Variants in ITFG1 observed in about 807,000 individuals in gnomAD.
ITFG1 encodes T-cell immunomodulatory protein.
In ITFG1, 34 loss-of-function variants were observed where a neutral mutation model predicts 81.8. The observed-to-expected ratio is 0.42, with a 90% CI of 0.32 to 0.55. The LOEUF is 0.55. Among genes scored for constraint, ITFG1 ranks in the 20% least tolerant of loss-of-function variants. The probability of loss-of-function intolerance (pLI) is 0.17; values close to 1 mark genes in which losing one functional copy is unlikely to be tolerated. For missense variants in ITFG1, 672 were observed against 755.4 expected, an observed-to-expected ratio of 0.89 and a Z score of 1.29; for synonymous variants, 285 against 270.6, an observed-to-expected ratio of 1.05 and a Z score of -0.52.
intron 10 of ITFG1, among the ~76,000 whole-genome samples, chr16:47,290,076 C>T (rs1409272703): frequency 6.6e-6 from 1 of 152,124 alleles, no homozygotes. Flanking sequence ...CTTCATTGAC[C>T]CATTGGTCAT....
intron 8 of ITFG1, among the ~76,000 whole-genome samples, chr16:47,334,728 T>C (rs1239507054): frequency 1.3e-5 from 2 of 152,204 alleles, no homozygotes; most frequent in Non-Finnish European, 2.9e-5. Context: ...CAAATAATCA[T>C]CAGTCAACAT....
chr16:47,389,918 C>G (rs539964205), intron 6 of ITFG1, among the ~76,000 whole-genome samples: 1 of 152,318 alleles, frequency 6.6e-6, no homozygotes, highest in African/African-American at 2.4e-5. Flanking sequence ...CAGATGTAAA[C>G]TCAACTGTTG....
At chr16:47,260,450 G>A (rs543065685) in intron 11 of ITFG1, 95 bp downstream of exon 11, 5 of 1,330,806 alleles carry the variant, frequency 3.8e-6, no homozygotes, top group African/African-American at 2.9e-5. Context: ...TTTTTGTTGT[G>A]TTGTCCACAT....
At chr16:47,311,020 AT>A (rs1179714070) in intron 10 of ITFG1, among the ~76,000 whole-genome samples, 1 of 151,714 alleles carries the variant, frequency 6.6e-6, no homozygotes, top group Non-Finnish European at 1.5e-5. Context: ...CTAAATGTTC[AT>A]TTTTGTTTTA....
intron 13 of ITFG1, among the ~76,000 whole-genome samples, chr16:47,226,288 C>A (rs1965756112): frequency 6.6e-6 from 1 of 152,228 alleles, no homozygotes; most frequent in South Asian, 2.1e-4. Flanking sequence ...GGGCTCACTG[C>A]AACCTCCGCC....
At chr16:47,229,965 A>C (rs992436960) in intron 13 of ITFG1, among the ~76,000 whole-genome samples, 5 of 152,202 alleles carry the variant, frequency 3.3e-5, no homozygotes, top group Non-Finnish European at 7.3e-5. Context: ...TATTGTTATA[A>C]CTGTTCTATT....
At chr16:47,274,903 T>C (rs1966381709) in intron 10 of ITFG1, among the ~76,000 whole-genome samples, 1 of 152,172 alleles carries the variant, frequency 6.6e-6, no homozygotes, top group South Asian at 2.1e-4. Context: ...AGAAAGTCCA[T>C]GATTGTTCCT....
chr16:47,297,690 T>C (rs1967005132), intron 10 of ITFG1, among the ~76,000 whole-genome samples: 1 of 151,952 alleles, frequency 6.6e-6, no homozygotes, highest in Non-Finnish European at 1.5e-5. Flanking sequence ...CCATTCTGGC[T>C]TGTTAAGTCT....
Position 47,258,708 on chromosome 16 carries a change from T to C in ITFG1, c.1254A>G (p.Gly418=). 6.4e-7 allele frequency: 1 copy of C among 1,554,902 alleles called. No individual in the cohort carries two copies. Among genetic ancestry groups the C allele is most frequent in the African/African-American group, 1.4e-5 (1 of 72,530 alleles). Residue 418 remains glycine (G), a synonymous_variant, in exon 12 of 18, where the codon GGA becomes GGG. Coordinates refer to ENST00000320640, the MANE Select transcript of ITFG1 (RefSeq NM_030790.5). ...GILDIVVLSK[G]YTKNDFAIHT... Reference sequence around the variant, plus strand: ...GAATGGCAAAATCATTCTTTGTATATCCTTTACTTAGCACTACAATGTCCA... The same window carrying C: ...GAATGGCAAAATCATTCTTTGTATACCCTTTACTTAGCACTACAATGTCCA...
intron 6 of ITFG1, among the ~76,000 whole-genome samples, chr16:47,384,462 G>C (rs966152580): frequency 2.0e-5 from 3 of 152,064 alleles, no homozygotes; most frequent in African/African-American, 7.2e-5. Flanking sequence ...ACACCAGAGA[G>C]GCATTTTCTG....
chr16:47,181,397 A>T lies in ITFG1; in HGVS notation c.1454-18733T>A, dbSNP rs970416717. Among the ~76,000 whole-genome samples, 5 of 121,260 alleles carry T rather than the reference A, an allele frequency of 4.1e-5. 1 individual carries two copies. Among genetic ancestry groups the T allele is most frequent in the African/African-American group, 1.7e-4 (5 of 29,864 alleles). The allele number at this position is 121,260 out of a possible 152,430, so 79.6% of individuals were successfully genotyped here. A position where few individuals can be genotyped will look rare whatever the true frequency, so the allele number is the denominator to read the frequency against. On this transcript the variant is annotated intron_variant, in intron 14 of 17. Coordinates refer to ENST00000320640, the MANE Select transcript of ITFG1 (RefSeq NM_030790.5). Reference sequence around the variant, plus strand: ...CGGCCAGCCACCCCGTCCGGCAGGGAGATGGGGGGGTCAGCCCCCCCGCCC... The same window carrying T: ...CGGCCAGCCACCCCGTCCGGCAGGGTGATGGGGGGGTCAGCCCCCCCGCCC...
At chr16:47,332,871 T>C (rs896295278) in intron 8 of ITFG1, among the ~76,000 whole-genome samples, 4 of 152,218 alleles carry the variant, frequency 2.6e-5, no homozygotes, top group African/African-American at 9.6e-5. Flanking sequence ...AACTTCTGCA[T>C]TAAAGCAGCA....
intron 9 of ITFG1, chr16:47,311,952 C>T (rs1159194688): frequency 6.6e-6 from 1 of 152,208 alleles, no homozygotes; most frequent in African/African-American, 2.4e-5. Context: ...CCAAACAACA[C>T]CAGGCCTGAC....
chr16:47,407,906 G>T (rs1432972841), intron 6 of ITFG1, among the ~76,000 whole-genome samples: 1 of 152,202 alleles, frequency 6.6e-6, no homozygotes, highest in South Asian at 2.1e-4. Context: ...AGTAGATGGT[G>T]CTTATTAAAG....
intron 10 of ITFG1, among the ~76,000 whole-genome samples, chr16:47,269,748 A>G (rs1966316911): frequency 6.6e-6 from 1 of 152,216 alleles, no homozygotes; most frequent in African/African-American, 2.4e-5. Context: ...AATTCTCAGC[A>G]GACTTTTTAT....
chr16:47,330,654 C>G (rs1235665169), intron 8 of ITFG1, among the ~76,000 whole-genome samples: 1 of 151,916 alleles, frequency 6.6e-6, no homozygotes, highest in Non-Finnish European at 1.5e-5. Context: ...CCATTAAAAA[C>G]TGGGCAAAGA....
At chr16:47,182,144 T>C (rs1393294779) in intron 14 of ITFG1, among the ~76,000 whole-genome samples, 1 of 141,580 alleles carries the variant, frequency 7.1e-6, no homozygotes, top group African/African-American at 2.7e-5. Context: ...CCCTGTCAAA[T>C]CCCCCTCTGC....
At chr16:47,375,990 G>T in intron 6 of ITFG1, 50 bp from the exon 7 acceptor site, 1 of 1,097,978 alleles carries the variant, frequency 9.1e-7, no homozygotes, top group Non-Finnish European at 1.4e-6. Context: ...TTACTGATGT[G>T]TACATTTAAA....
chr16:47,193,370 C>T (rs940252640), intron 14 of ITFG1, among the ~76,000 whole-genome samples: 4 of 151,596 alleles, frequency 2.6e-5, no homozygotes, highest in South Asian at 2.1e-4. Context: ...AAATAATTTT[C>T]GTTTCTTCTG....
Sources: allele counts gnomAD v4.1 joint callset (sites outside exome capture counted in the v4.1 genomes callset), GRCh38; gene constraint gnomAD v4.1.1; transcripts MANE v1.5; gene names NCBI Gene and HGNC (gene_info 2026-07-23, HGNC 2026-07-21).